EPHA6: variants seen among roughly 807,000 people sequenced by gnomAD.
EPHA6 encodes the protein ephrin type-A receptor 6.
EPHA6 carries 50 observed loss-of-function variants against 112.0 expected under a neutral mutation model. The observed-to-expected ratio is 0.45, with a 90% CI of 0.36 to 0.56. EPHA6 has a LOEUF of 0.56. Ranked by LOEUF, EPHA6 falls within the 20% of genes least tolerant of loss-of-function variation. EPHA6 has a pLI of 0.00. For synonymous variants in EPHA6, 529 were observed against 490.7 expected (o/e 1.08, Z -1.03); for missense variants, 1,280 against 1,417.4 (o/e 0.90, Z 1.56).
At chr3:96,863,220 G>C (rs1022694032) in intron 1 of EPHA6, among the ~76,000 whole-genome samples, 3 of 151,764 alleles carry the variant, frequency 2.0e-5, no homozygotes. Flanking sequence ...AAAAGTATTG[G>C]CTTTTTTACT....
chr3:97,298,688 T>A (rs2080968823), intron 5 of EPHA6, among the ~76,000 whole-genome samples: 1 of 152,150 alleles, frequency 6.6e-6, no homozygotes, highest in African/African-American at 2.4e-5. Flanking sequence ...TAGTTATTAT[T>A]TCTTATTTAG....
At chr3:97,404,094 A>G (rs1289550233) in intron 5 of EPHA6, among the ~76,000 whole-genome samples, 1 of 152,150 alleles carries the variant, frequency 6.6e-6, no homozygotes, top group Non-Finnish European at 1.5e-5. Context: ...GATTGTTACA[A>G]TCTTTAGAAA....
intron 5 of EPHA6, among the ~76,000 whole-genome samples, chr3:97,400,266 T>C (rs59125392): frequency 0.028 from 4,246 of 151,752 alleles, 225 homozygotes; most frequent in African/African-American, 0.097. Flanking sequence ...TGGCTGAAAA[T>C]ACATAGGTTT....
chr3:97,697,377 G>A (rs1576308345), intron 14 of EPHA6, among the ~76,000 whole-genome samples: 1 of 152,120 alleles, frequency 6.6e-6, no homozygotes, highest in African/African-American at 2.4e-5. Flanking sequence ...CCAAAATTGA[G>A]ACAGAAAGAG....
intron 3 of EPHA6, among the ~76,000 whole-genome samples, chr3:97,165,404 T>TA (rs1333982259): frequency 2.0e-5 from 3 of 152,152 alleles, no homozygotes; most frequent in African/African-American, 4.8e-5. Context: ...TATAATGACT[T>TA]ACACTTGCAA....
intron 7 of EPHA6, 108 bp from the exon 8 acceptor site, chr3:97,475,244 C>A: frequency 1.3e-6 from 1 of 782,010 alleles, no homozygotes; most frequent in Non-Finnish European, 2.0e-6. Context: ...GCCAAATATA[C>A]TGAGCTTGGC....
intron 10 of EPHA6, among the ~76,000 whole-genome samples, chr3:97,493,112 C>T (rs1319751545): frequency 7.5e-6 from 1 of 132,510 alleles, no homozygotes; most frequent in African/African-American, 4.1e-5. Context: ...AGATGTTTTA[C>T]TTTTATTGGG....
At chr3:97,231,091 A>G (rs2078511589) in intron 4 of EPHA6, among the ~76,000 whole-genome samples, 1 of 152,152 alleles carries the variant, frequency 6.6e-6, no homozygotes, top group African/African-American at 2.4e-5. Context: ...TGAGTGGCGT[A>G]TTCTGGTCTC....
At chr3:97,262,235 T>G (rs2079527265) in intron 5 of EPHA6, among the ~76,000 whole-genome samples, 1 of 152,148 alleles carries the variant, frequency 6.6e-6, no homozygotes, top group African/African-American at 2.4e-5. Context: ...CACAATGTCT[T>G]GCCTAAATTG....
intron 3 of EPHA6, among the ~76,000 whole-genome samples, chr3:97,190,561 G>A (rs1251391592): frequency 6.6e-6 from 1 of 151,950 alleles, no homozygotes; most frequent in Non-Finnish European, 1.5e-5. Flanking sequence ...AATTAAAATA[G>A]CATTATTGCC....
chr3:97,405,726 G>A (rs1001730163), intron 6 of EPHA6, among the ~76,000 whole-genome samples: 11 of 152,004 alleles, frequency 7.2e-5, no homozygotes, highest in African/African-American at 2.7e-4. Flanking sequence ...ATTATTTAAG[G>A]GATAAATAGA....
chr3:97,211,430 T>C (rs1179130430), intron 3 of EPHA6, among the ~76,000 whole-genome samples: 1 of 152,196 alleles, frequency 6.6e-6, no homozygotes, highest in Non-Finnish European at 1.5e-5. Context: ...TATCATAGAC[T>C]GTGTGGCTTA....
chr3:97,397,315 T>C (rs1258555020), intron 5 of EPHA6, among the ~76,000 whole-genome samples: 1 of 151,694 alleles, frequency 6.6e-6, no homozygotes, highest in African/African-American at 2.4e-5. Flanking sequence ...AAAATAAATG[T>C]ATATGCTATA....
intron 3 of EPHA6, among the ~76,000 whole-genome samples, chr3:97,206,430 A>G (rs2077713934): frequency 6.6e-6 from 1 of 152,018 alleles, no homozygotes; most frequent in Non-Finnish European, 1.5e-5. Context: ...TATATATTCC[A>G]TCTTTATACC....
At chr3:97,554,346 A>G (rs1275455266) in intron 11 of EPHA6, among the ~76,000 whole-genome samples, 1 of 152,090 alleles carries the variant, frequency 6.6e-6, no homozygotes, top group Non-Finnish European at 1.5e-5. Context: ...AAAGGTTTGT[A>G]GACACATTTA....
intron 3 of EPHA6, among the ~76,000 whole-genome samples, chr3:97,109,375 G>A (rs2047654975): frequency 6.6e-6 from 1 of 152,118 alleles, no homozygotes; most frequent in Non-Finnish European, 1.5e-5. Flanking sequence ...GTGTTGTTAT[G>A]AAACACAACT....
intron 12 of EPHA6, among the ~76,000 whole-genome samples, chr3:97,600,704 C>A (rs953837544): frequency 6.6e-6 from 1 of 151,710 alleles, no homozygotes; most frequent in Non-Finnish European, 1.5e-5. Context: ...AAAGTTTGCA[C>A]ACAAAGAACC....
chr3:97,306,605 C>G (rs1268267584), intron 5 of EPHA6, among the ~76,000 whole-genome samples: 1 of 151,830 alleles, frequency 6.6e-6, no homozygotes, highest in Non-Finnish European at 1.5e-5. Context: ...TAGGTATCTG[C>G]TTCTCAGGAA....
intron 14 of EPHA6, among the ~76,000 whole-genome samples, chr3:97,695,576 C>T (rs1389247747): frequency 6.6e-6 from 1 of 152,162 alleles, no homozygotes; most frequent in Admixed American, 6.5e-5. Flanking sequence ...GAGTCTCGCT[C>T]TGTCACCAGG....
Sources: allele counts gnomAD v4.1 joint callset (sites outside exome capture counted in the v4.1 genomes callset), GRCh38; gene constraint gnomAD v4.1.1; transcripts MANE v1.5; gene names NCBI Gene and HGNC (gene_info 2026-07-23, HGNC 2026-07-21).